Variants in NT5M observed in about 807,000 individuals in gnomAD.
NT5M encodes 5'(3')-deoxyribonucleotidase, mitochondrial.
A neutral mutation model predicts 22.2 loss-of-function variants in NT5M; 22 were observed. That is an observed-to-expected ratio of 0.99 (90% confidence interval 0.71 to 1.41). The LOEUF is 1.41. Ranked by LOEUF, NT5M falls within the 40% of genes most tolerant of loss-of-function variation. NT5M has a pLI of 0.00. For missense variants in NT5M, 322 were observed against 314.8 expected (o/e 1.02, Z -0.17); for synonymous variants, 167 against 133.0 (o/e 1.26, Z -1.76).
chr17:17,341,549 G>A (rs139237343), intron 3 of NT5M, among the ~76,000 whole-genome samples: 31 of 152,324 alleles, frequency 2.0e-4, no homozygotes, highest in African/African-American at 6.5e-4. Context: ...AGGCACTCAC[G>A]AGGTAGATGC....
At chr17:17,313,335 C>T (rs1313350656) in intron 2 of NT5M, among the ~76,000 whole-genome samples, 1 of 152,154 alleles carries the variant, frequency 6.6e-6, no homozygotes, top group Admixed American at 6.6e-5. Context: ...TTTTTCATAG[C>T]TTCTCGATTA....
chr17:17,319,283 C>T (rs1452474615), intron 2 of NT5M, among the ~76,000 whole-genome samples: 1 of 150,874 alleles, frequency 6.6e-6, no homozygotes, highest in Non-Finnish European at 1.5e-5. Flanking sequence ...GTTCCCCGGG[C>T]TGTGGGGAGG....
At chr17:17,331,205 C>T (rs1021475973) in intron 3 of NT5M, among the ~76,000 whole-genome samples, 1 of 151,498 alleles carries the variant, frequency 6.6e-6, no homozygotes, top group Admixed American at 6.6e-5. Context: ...CAGGAGCTTC[C>T]CCTGGAGCTC....
chr17:17,326,569 G>A (rs1193048503), intron 3 of NT5M, among the ~76,000 whole-genome samples: 1 of 152,332 alleles, frequency 6.6e-6, no homozygotes, highest in Admixed American at 6.5e-5. Flanking sequence ...CCCGCAGACC[G>A]TCTCTCCAGC....
chr17:17,329,491 G>A lies in NT5M; in HGVS notation c.429+6246G>A, dbSNP rs149232275. 4.8e-3 allele frequency among the ~76,000 whole-genome samples: 731 copies of A among 152,204 alleles called. 3 individuals are homozygous for A. The highest frequency in any genetic ancestry group is 0.01 in the Middle Eastern group (3 of 294). ...ACCCCCTAGAGAGATTTGAAAATCC[G>A]TGTCAGGTTCTTCATGCACAGGCAT... On this transcript the variant is annotated intron_variant, in intron 3 of 4. Transcript: ENST00000389022.
rs1250220717 is a variant in NT5M at position 17,322,183 on chromosome 17, A to C, written c.369-1002A>C. Among the ~76,000 whole-genome samples the C allele has an allele frequency of 2.0e-5, 3 of 152,106 alleles. No homozygotes were observed. In the East Asian group the frequency reaches 5.8e-4, roughly 29 times the overall value. On this transcript the variant is annotated intron_variant, in intron 2 of 4. Coordinates refer to ENST00000389022, the MANE Select transcript of NT5M (RefSeq NM_020201.4). The stretch of plus-strand genomic sequence containing the variant: ...AGGTGCATAAGGGACAGTAACTGGC[A>C]ATGGTAGGTGACAGTGAGTAGGAAG...
chr17:17,322,211 C>T (rs2049165709), intron 2 of NT5M, among the ~76,000 whole-genome samples: 1 of 152,008 alleles, frequency 6.6e-6, no homozygotes, highest in Non-Finnish European at 1.5e-5. Context: ...GTAGGAAGGG[C>T]TCTAGGGGTG....
At chr17:17,336,055 T>C (rs2049503633) in intron 3 of NT5M, among the ~76,000 whole-genome samples, 1 of 142,872 alleles carries the variant, frequency 7.0e-6, no homozygotes, top group African/African-American at 2.7e-5. Context: ...CAGGCTGGAG[T>C]GCAGTGGCGC....
chr17:17,337,264 C>T (rs967874118), intron 3 of NT5M, among the ~76,000 whole-genome samples: 13 of 152,144 alleles, frequency 8.5e-5, no homozygotes, highest in African/African-American at 2.9e-4. Flanking sequence ...GTTGTTGAGA[C>T]AGGATCTCGC....
intron 3 of NT5M, among the ~76,000 whole-genome samples, chr17:17,339,139 C>T (rs983537095): frequency 6.6e-6 from 1 of 152,136 alleles, no homozygotes; most frequent in African/African-American, 2.4e-5. Flanking sequence ...GAGTATCTTT[C>T]CACTTTTTGT....
intron 3 of NT5M, among the ~76,000 whole-genome samples, chr17:17,341,876 A>G (rs2049649826): frequency 1.3e-5 from 2 of 152,126 alleles, no homozygotes; most frequent in Non-Finnish European, 2.9e-5. Context: ...TAAAAATACA[A>G]AGAACTTAGC....
chr17:17,311,993 G>A (rs1383397882), intron 2 of NT5M, among the ~76,000 whole-genome samples: 2 of 152,228 alleles, frequency 1.3e-5, no homozygotes, highest in Non-Finnish European at 2.9e-5. Flanking sequence ...ACAGTGGTTT[G>A]GAGTGGGGTT....
At chr17:17,315,800 G>T (rs2049014006) in intron 2 of NT5M, among the ~76,000 whole-genome samples, 1 of 139,072 alleles carries the variant, frequency 7.2e-6, no homozygotes, top group African/African-American at 2.8e-5. Flanking sequence ...CATCACCCAG[G>T]CTAGAGTGCA....
Position 17,346,679 on chromosome 17 carries a change from C to T in NT5M, c.545-126C>T, listed in dbSNP as rs933675508. 57 of 1,133,246 alleles carry T rather than the reference C, an allele frequency of 5.0e-5. No individual in the cohort carries two copies. The African/African-American group carries it at 8.4e-4, about 17-fold the overall frequency. The allele number at this position is 1,133,246 out of a possible 1,614,324, so 70.2% of individuals were successfully genotyped here. A position where few individuals can be genotyped will look rare whatever the true frequency, so the allele number is the denominator to read the frequency against. On this transcript the variant is annotated intron_variant, in intron 4 of 4. Transcript: ENST00000389022. ...CTGCGAAGGCGGGTGTGCGTGCAGT[C>T]ACCCCTTTACAGAGGAAACAAGTTT...
At chr17:17,333,943 C>G (rs184221966) in intron 3 of NT5M, among the ~76,000 whole-genome samples, 1 of 151,734 alleles carries the variant, frequency 6.6e-6, no homozygotes, top group East Asian at 1.9e-4. Context: ...ATGCCATTCT[C>G]CTGCCTCAGC....
intron 3 of NT5M, among the ~76,000 whole-genome samples, chr17:17,342,518 AC>A (rs1276594523): frequency 6.6e-6 from 1 of 152,194 alleles, no homozygotes; most frequent in Admixed American, 6.5e-5. Context: ...TTCATATCTT[AC>A]AAAAGCATTG....
At chr17:17,315,859 G>A (rs896218826) in intron 2 of NT5M, among the ~76,000 whole-genome samples, 1 of 142,598 alleles carries the variant, frequency 7.0e-6, no homozygotes, top group African/African-American at 2.6e-5. Context: ...GGTTCATGCT[G>A]TTCTGCCTCA....
At chr17:17,304,907 A>T (rs920594639) in intron 1 of NT5M, among the ~76,000 whole-genome samples, 1 of 152,184 alleles carries the variant, frequency 6.6e-6, no homozygotes, top group Non-Finnish European at 1.5e-5. Flanking sequence ...TAAAAAAGGA[A>T]ACCAAGTACC....
chr17:17,346,330 C>A (rs546486249), intron 4 of NT5M, among the ~76,000 whole-genome samples: 1 of 152,338 alleles, frequency 6.6e-6, no homozygotes, highest in African/African-American at 2.4e-5. Context: ...GGGAATGAGG[C>A]CTGGAGAGGC....
Sources: allele counts gnomAD v4.1 joint callset (sites outside exome capture counted in the v4.1 genomes callset), GRCh38; gene constraint gnomAD v4.1.1; transcripts MANE v1.5; gene names NCBI Gene and HGNC (gene_info 2026-07-23, HGNC 2026-07-21).